MAP3K15: variants seen among roughly 807,000 people sequenced by gnomAD.
MAP3K15 encodes MAPK/ERK kinase kinase 15.
MAP3K15 carries 124 observed loss-of-function variants against 99.5 expected under a neutral mutation model. The ratio of observed to expected loss-of-function variants is 1.25; its 90% CI spans 1.08 to 1.45. The LOEUF (loss-of-function observed/expected upper bound fraction) is 1.45. Ranked by LOEUF, MAP3K15 falls within the 40% of genes most tolerant of loss-of-function variation. The pLI is 0.00. For missense variants in MAP3K15, 1,242 were observed against 1,079.7 expected (o/e 1.15, Z -2.11); for synonymous variants, 494 against 439.6 (o/e 1.12, Z -1.55).
chrX:19,512,811 C>G (rs1291362868), intron 1 of MAP3K15, among the ~76,000 whole-genome samples: 1 of 111,278 alleles, frequency 9.0e-6, no homozygotes, highest in Non-Finnish European at 1.9e-5. Flanking sequence ...CCATTTTTAC[C>G]GTATTCTAAT....
chrX:19,467,228 C>A (rs901425739), intron 3 of MAP3K15, among the ~76,000 whole-genome samples: 3 of 110,969 alleles, frequency 2.7e-5, no homozygotes, highest in African/African-American at 9.8e-5. Flanking sequence ...ACTGCTCCCC[C>A]GCCCCCACAC....
chrX:19,395,289 C>T (rs1008091412), intron 15 of MAP3K15, 81 bp from the exon 16 acceptor site: 3 of 943,953 alleles, frequency 3.2e-6, no homozygotes, highest in African/African-American at 1.9e-5. Flanking sequence ...AGGACCTGCC[C>T]CACTGCTGCC....
intron 9 of MAP3K15, among the ~76,000 whole-genome samples, chrX:19,423,821 G>A (rs1229494748): frequency 9.0e-6 from 1 of 111,490 alleles, no homozygotes; most frequent in Non-Finnish European, 1.9e-5. Context: ...CGGGGCCCTG[G>A]GCCACACTGT....
At chrX:19,394,477 G>C (rs1037752434) in intron 16 of MAP3K15, among the ~76,000 whole-genome samples, 1 of 111,913 alleles carries the variant, frequency 8.9e-6, no homozygotes, top group African/African-American at 3.2e-5. Context: ...CCAGATCCCA[G>C]GAACTCCCCT....
chrX:19,479,140 T>C (rs182006139), intron 3 of MAP3K15, among the ~76,000 whole-genome samples: 2 of 111,861 alleles, frequency 1.8e-5, no homozygotes, highest in Non-Finnish European at 3.8e-5. Flanking sequence ...GTGGTGGATA[T>C]GCAGGTATAC....
intron 6 of MAP3K15, among the ~76,000 whole-genome samples, chrX:19,437,544 T>C (rs2063930473): frequency 8.9e-6 from 1 of 111,989 alleles, no homozygotes; most frequent in African/African-American, 3.2e-5. Flanking sequence ...CCTTGCCTCT[T>C]TCTGATCTTT....
At chrX:19,386,343 C>A (rs1378911470) in intron 18 of MAP3K15, among the ~76,000 whole-genome samples, 1 of 111,328 alleles carries the variant, frequency 9.0e-6, no homozygotes, top group East Asian at 2.8e-4. Flanking sequence ...GTGGTCCCAG[C>A]TACTTGGGAG....
chrX:19,362,660 A>G, intron 26 of MAP3K15, 78 bp downstream of exon 26: 2 of 610,330 alleles, frequency 3.3e-6, no homozygotes, highest in East Asian at 3.3e-5. Flanking sequence ...TTAACAGAAG[A>G]TAACCTCAAA....
chrX:19,488,635 G>A (rs1371211186), intron 2 of MAP3K15, among the ~76,000 whole-genome samples, 193 bp downstream of exon 2: 1 of 111,578 alleles, frequency 9.0e-6, no homozygotes, highest in African/African-American at 3.3e-5. Flanking sequence ...GCAAACGTAC[G>A]ACTGTAGCAC....
intron 24 of MAP3K15, 133 bp from the exon 25 acceptor site, chrX:19,369,352 C>G: frequency 1.5e-6 from 1 of 660,971 alleles, no homozygotes; most frequent in South Asian, 2.5e-5. Context: ...TAGGGGACTG[C>G]TGACTTTACA....
chrX:19,452,423 G>GAAAGAA (rs1379814237), intron 6 of MAP3K15, among the ~76,000 whole-genome samples: 1 of 101,623 alleles, frequency 9.8e-6, no homozygotes, highest in Non-Finnish European at 2.0e-5. Context: ...AAGAAAAGAA[G>GAAAGAA]AAAGAAAAAG....
In MAP3K15 at chrX:19,393,760, C is replaced by CTTTTTTTTTT. The variant is rs761246318; in HGVS notation, c.2195-1297_2195-1288dup. 6.5e-4 allele frequency among the ~76,000 whole-genome samples: 39 copies of CTTTTTTTTTT among 60,241 alleles called. 8 individuals carry two copies. Among genetic ancestry groups the CTTTTTTTTTT allele is most frequent in the African/African-American group, 2.7e-3 (35 of 13,019 alleles). 52.3% of individuals were successfully genotyped at this position (60,241 alleles called of 115,157 possible). ...TGAAAATCTAGCCCACTGCCTGGCTCTTTTTTTTTTTTTTTTTTTTTTTTT... is the reference window on the plus strand; with the variant it reads ...TGAAAATCTAGCCCACTGCCTGGCTCTTTTTTTTTTTTTTTTTTTTTTTTTTTTTTTTTTT... On this transcript the variant is annotated intron_variant, in intron 16 of 28. Coordinates refer to ENST00000338883, the MANE Select transcript of MAP3K15 (RefSeq NM_001001671.4).
At position 19,478,361 on chromosome X, in the gene MAP3K15, C is replaced by T. The variant is rs761359078; in HGVS notation, c.525+8121G>A. Among the ~76,000 whole-genome samples, 297 of 105,236 alleles carry T rather than the reference C, an allele frequency of 2.8e-3. 1 individual carries two copies. Among genetic ancestry groups the T allele is most frequent in the Middle Eastern group, 9.8e-3 (2 of 205 alleles). 91.4% of individuals were successfully genotyped at this position (105,236 alleles called of 115,157 possible). ...TAGAAATCTTTTGAACTCAGAAAAT[C>T]CAAAGGATACAGAAAAGAGAAAAGA... On this transcript the variant is annotated intron_variant, in intron 3 of 28. Coordinates refer to ENST00000338883, the MANE Select transcript of MAP3K15 (RefSeq NM_001001671.4).
chrX:19,381,889 G>A (rs1269346581), intron 18 of MAP3K15, among the ~76,000 whole-genome samples: 1 of 111,884 alleles, frequency 8.9e-6, no homozygotes, highest in African/African-American at 3.3e-5. Flanking sequence ...CGCATGAATA[G>A]AACACTGAAA....
At chrX:19,475,557 C>A (rs1466774972) in intron 3 of MAP3K15, among the ~76,000 whole-genome samples, 1 of 111,316 alleles carries the variant, frequency 9.0e-6, no homozygotes, top group Non-Finnish European at 1.9e-5. Context: ...AACATCCTAA[C>A]TGCAGGCCTA....
At chrX:19,391,679 A>G (rs1317318344) in intron 18 of MAP3K15, among the ~76,000 whole-genome samples, 156 of 106,807 alleles carry the variant, frequency 1.5e-3, no homozygotes, top group Non-Finnish European at 2.5e-3. Context: ...CGTCTCAAAA[A>G]AAAAAAAAAA....
chrX:19,473,490 T>G (rs910244412), intron 3 of MAP3K15, among the ~76,000 whole-genome samples: 2 of 112,575 alleles, frequency 1.8e-5, no homozygotes, highest in African/African-American at 6.5e-5. Flanking sequence ...TGGAAACATC[T>G]CAAGAATCCA....
At chrX:19,422,158 A>G (rs2063792832) in intron 9 of MAP3K15, among the ~76,000 whole-genome samples, 1 of 110,253 alleles carries the variant, frequency 9.1e-6, no homozygotes, top group African/African-American at 3.3e-5. Flanking sequence ...AGCAATGGCA[A>G]CAAAAGCCAA....
chrX:19,416,477 C>T (rs953908685), intron 9 of MAP3K15, among the ~76,000 whole-genome samples: 2 of 111,992 alleles, frequency 1.8e-5, no homozygotes, highest in Admixed American at 9.5e-5. Flanking sequence ...TTTAGTGTGA[C>T]ACCATAAACA....
Sources: gnomAD v4.1 joint callset for allele counts (sites outside exome capture counted in the v4.1 genomes callset) on GRCh38, gnomAD v4.1.1 for gene constraint, MANE v1.5 for transcripts, NCBI Gene and HGNC (gene_info 2026-07-23, HGNC 2026-07-21) for gene names.